Variants in MS4A13 observed in about 807,000 individuals in gnomAD.
MS4A13 encodes the protein membrane spanning 4-domains A13, also known as membrane-spanning 4-domains subfamily A member 13.
In MS4A13, 21 loss-of-function variants were observed where a neutral mutation model predicts 18.4. The observed-to-expected ratio is 1.14, with a 90% CI of 0.81 to 1.64. The LOEUF is 1.64. Among genes scored for constraint, MS4A13 ranks in the 40% most tolerant of loss-of-function variants. MS4A13 has a pLI of 0.00. For missense variants in MS4A13, 173 were observed against 176.8 expected, an observed-to-expected ratio of 0.98 and a Z score of 0.12; for synonymous variants, 62 against 57.2, an observed-to-expected ratio of 1.08 and a Z score of -0.38.
intron 6 of MS4A13, among the ~76,000 whole-genome samples, chr11:60,530,739 G>A (rs2086759465): frequency 6.6e-6 from 1 of 152,156 alleles, no homozygotes; most frequent in Admixed American, 6.5e-5. Context: ...ATCTTGAATT[G>A]TAATCCCCAG....
At chr11:60,529,104 A>T (rs997228626) in intron 5 of MS4A13, among the ~76,000 whole-genome samples, 17 of 152,234 alleles carry the variant, frequency 1.1e-4, no homozygotes. Flanking sequence ...CAGAAGTGAG[A>T]CAAGAATGCT....
intron 4 of MS4A13, among the ~76,000 whole-genome samples, chr11:60,524,266 T>C (rs1190237067): frequency 6.6e-6 from 1 of 152,212 alleles, no homozygotes; most frequent in Non-Finnish European, 1.5e-5. Flanking sequence ...CCTTTAGATA[T>C]AGACATTATA....
At chr11:60,527,134 C>T (rs2135256918) in intron 5 of MS4A13, among the ~76,000 whole-genome samples, 1 of 152,294 alleles carries the variant, frequency 6.6e-6, no homozygotes, top group South Asian at 2.1e-4. Context: ...TCGTTTCAAT[C>T]TCCCACATAC....
intron 6 of MS4A13, among the ~76,000 whole-genome samples, chr11:60,531,482 A>T (rs1166158673): frequency 6.6e-6 from 1 of 152,198 alleles, no homozygotes; most frequent in Non-Finnish European, 1.5e-5. Flanking sequence ...GCCTTGCAAA[A>T]ATAAAGTAAA....
In MS4A13 at chr11:60,527,361, CGTCTCTCTCTCTCTCTCTCT is replaced by C. The variant is rs1406992147; in HGVS notation, c.307-2003_307-1984del. Among the ~76,000 whole-genome samples, 35 of 77,060 alleles carry C rather than the reference CGTCTCTCTCTCTCTCTCTCT, an allele frequency of 4.5e-4. 2 individuals are homozygous for C. Among genetic ancestry groups the C allele is most frequent in the Middle Eastern group, 7.9e-3 (1 of 126 alleles). The allele number at this position is 77,060 out of a possible 152,430, so 50.6% of individuals were successfully genotyped here. On this transcript the variant is annotated intron_variant, in intron 5 of 6. Transcript: ENST00000378186. ...TCATCTGCCAGGAACTCATTCATTC[CGTCTCTCTCTCTCTCTCTCT>C]CTCTCTCTCTCTCTCTCTCTCTCTC...
At chr11:60,522,228 A>ATG (rs1306926494) in intron 3 of MS4A13, among the ~76,000 whole-genome samples, 12,321 of 143,458 alleles carry the variant, frequency 0.086, 620 homozygotes, top group South Asian at 0.12. Flanking sequence ...AGATAGATAG[A>ATG]TAGATAGATA....
At chr11:60,528,549 T>C (rs1478266389) in intron 5 of MS4A13, among the ~76,000 whole-genome samples, 1 of 152,234 alleles carries the variant, frequency 6.6e-6, no homozygotes, top group Admixed American at 6.5e-5. Flanking sequence ...ATCTAATTCC[T>C]ACTACCAGAT....
intron 5 of MS4A13, among the ~76,000 whole-genome samples, chr11:60,528,237 A>C (rs2086734949): frequency 6.6e-6 from 1 of 152,242 alleles, no homozygotes; most frequent in South Asian, 2.1e-4. Context: ...TTATGCTATT[A>C]AACTCTTTCT....
At chr11:60,541,764 AG>A (rs1377056061) in intron 6 of MS4A13, among the ~76,000 whole-genome samples, 43 of 152,154 alleles carry the variant, frequency 2.8e-4, no homozygotes, top group Admixed American at 2.8e-3. Flanking sequence ...AAAAGTTTGA[AG>A]GTACACCAAA....
In MS4A13 at chr11:60,540,918, G is replaced by A. The variant is rs1386085158; in HGVS notation, c.403-1601G>A. ...TGCAATGAGCCATATTCAGGCCACC[G>A]TACCCCAGTGTGGGTGACAGAGTAA... On this transcript the variant is annotated intron_variant, in intron 6 of 6. Transcript: ENST00000378186. 1.3e-4 allele frequency among the ~76,000 whole-genome samples: 19 copies of A among 148,636 alleles called. 1 individual carries two copies. The highest frequency in any genetic ancestry group is 3.5e-4 in the African/African-American group (14 of 40,166).
rs1260754747 is a variant in MS4A13 at position 60,516,031 on chromosome 11, A to G, written c.-66A>G. 1 of 152,244 alleles carries G rather than the reference A, an allele frequency of 6.6e-6. No homozygotes were observed. Among genetic ancestry groups the G allele is most frequent in the Non-Finnish European group, 1.5e-5 (1 of 68,034 alleles). 9.4% of individuals were successfully genotyped at this position (152,244 alleles called of 1,614,324 possible). ...AAAATCATCTAGAGGAAATGCTGGCAGTATGGCATGTGTTCTTTAACAAAT... is the reference window on the plus strand; with the variant it reads ...AAAATCATCTAGAGGAAATGCTGGCGGTATGGCATGTGTTCTTTAACAAAT... On this transcript the variant is annotated 5_prime_UTR_variant, in exon 2 of 7. Coordinates refer to ENST00000378186, the MANE Select transcript of MS4A13 (RefSeq NM_001012417.3).
At chr11:60,530,588 T>C (rs542034605) in intron 6 of MS4A13, among the ~76,000 whole-genome samples, 3 of 152,218 alleles carry the variant, frequency 2.0e-5, no homozygotes, top group Non-Finnish European at 4.4e-5. Context: ...TGACCAAGCA[T>C]ACAAGAACTT....
chr11:60,518,334 T>C (rs1466653196), intron 3 of MS4A13, 122 bp downstream of exon 3: 2 of 740,484 alleles, frequency 2.7e-6, no homozygotes, highest in African/African-American at 3.6e-5. Flanking sequence ...AAATCCCATG[T>C]TGATAATTTA....
At chr11:60,537,977 T>C (rs2135270371) in intron 6 of MS4A13, among the ~76,000 whole-genome samples, 1 of 120,630 alleles carries the variant, frequency 8.3e-6, no homozygotes, top group African/African-American at 3.2e-5. Context: ...AATTGAACAA[T>C]GAGATCACAT....
At chr11:60,517,984 G>T (rs1255172978) in intron 2 of MS4A13, 88 bp from the exon 3 acceptor site, 10 of 996,642 alleles carry the variant, frequency 1.0e-5, no homozygotes, top group Non-Finnish European at 1.1e-5. Flanking sequence ...TATTTGTAAA[G>T]GTGTTAAATG....
intron 3 of MS4A13, among the ~76,000 whole-genome samples, chr11:60,520,594 G>A (rs1443521559): frequency 6.6e-6 from 1 of 152,226 alleles, no homozygotes; most frequent in Admixed American, 6.5e-5. Flanking sequence ...TTGACTCCAT[G>A]TCTCACATCC....
intron 5 of MS4A13, among the ~76,000 whole-genome samples, chr11:60,528,704 C>A (rs892911114): frequency 1.3e-5 from 2 of 152,142 alleles, no homozygotes; most frequent in Non-Finnish European, 2.9e-5. Flanking sequence ...CAGCACAAAA[C>A]CCACATTTTC....
chr11:60,531,251 A>G (rs566203946), intron 6 of MS4A13, among the ~76,000 whole-genome samples: 6 of 152,242 alleles, frequency 3.9e-5, no homozygotes, highest in Admixed American at 2.0e-4. Context: ...GGCCAAGGTC[A>G]CTCCTAGCCT....
intron 5 of MS4A13, 89 bp from the exon 6 acceptor site, chr11:60,529,272 TTTTG>T: frequency 8.8e-6 from 3 of 341,276 alleles, no homozygotes; most frequent in Non-Finnish European, 1.6e-5. Context: ...TTTTTTTTTT[TTTTG>T]ACTCTCATAC....
Sources: allele counts gnomAD v4.1 joint callset (sites outside exome capture counted in the v4.1 genomes callset), GRCh38; gene constraint gnomAD v4.1.1; transcripts MANE v1.5; gene names NCBI Gene and HGNC (gene_info 2026-07-23, HGNC 2026-07-21).